ZNF287: variants seen among roughly 807,000 people sequenced by gnomAD.
The protein encoded by ZNF287 is zinc finger protein 287, also known as zinc finger protein with KRAB and SCAN domains 13.
ZNF287 carries 31 observed loss-of-function variants against 73.7 expected under a neutral mutation model. The ratio of observed to expected loss-of-function variants is 0.42; its 90% CI spans 0.32 to 0.57. The LOEUF (loss-of-function observed/expected upper bound fraction) is 0.57, where lower values mean the gene tolerates loss of function less well. Among genes scored for constraint, ZNF287 ranks in the 20% least tolerant of loss-of-function variants. The pLI, the probability that ZNF287 is intolerant of heterozygous loss-of-function variation, is 0.13. For synonymous variants in ZNF287, 301 were observed against 307.2 expected (o/e 0.98, Z 0.21); for missense variants, 641 against 909.3 (o/e 0.70, Z 3.79).
Position 16,551,667 on chromosome 17 carries a change from G to T in ZNF287, c.*189C>A. The T allele has an allele frequency of 3.6e-6, 2 of 550,930 alleles. No individual in the cohort carries two copies. The highest frequency in any genetic ancestry group is 6.1e-6 in the Non-Finnish European group (2 of 330,532). The allele number at this position is 550,930 out of a possible 1,614,324, so 34.1% of individuals were successfully genotyped here. On this transcript the variant is annotated 3_prime_UTR_variant, in exon 6 of 6. Transcript: ENST00000395825. ...AATCATATCAAATTAAGGTTAAGAA[G>T]TCAAGTTTCCTTCTTAAATTTCACA...
chr17:16,567,296 G>C (rs1344251184), intron 2 of ZNF287, 33 bp downstream of exon 2: 5 of 1,578,864 alleles, frequency 3.2e-6, no homozygotes, highest in South Asian at 1.2e-5. Context: ...AACCACCCAG[G>C]GATTCCTCCC....
chr17:16,562,987 A>G (rs921214686), intron 5 of ZNF287, among the ~76,000 whole-genome samples, 159 bp downstream of exon 5: 7 of 152,250 alleles, frequency 4.6e-5, no homozygotes, highest in African/African-American at 1.7e-4. Flanking sequence ...CTTCCTGAAG[A>G]GGCCTCTGTA....
chr17:16,556,684 A>C (rs1907095631), intron 5 of ZNF287, among the ~76,000 whole-genome samples: 1 of 152,218 alleles, frequency 6.6e-6, no homozygotes, highest in Admixed American at 6.5e-5. Flanking sequence ...GTGTATATAC[A>C]CAAAAAAGAG....
intron 5 of ZNF287, among the ~76,000 whole-genome samples, chr17:16,560,569 T>G (rs111581190): frequency 3.3e-5 from 5 of 150,858 alleles, no homozygotes; most frequent in Non-Finnish European, 7.4e-5. Context: ...AGGCTGGTCT[T>G]GAACTCCTGA....
intron 5 of ZNF287, chr17:16,558,914 T>C (rs1187498502): frequency 6.6e-6 from 1 of 151,650 alleles, no homozygotes; most frequent in Non-Finnish European, 1.5e-5. Context: ...GAGATGGAGG[T>C]TGCAGTGAGC....
At chr17:16,568,061 A>C in intron 1 of ZNF287, 132 bp from the exon 2 acceptor site, 3 of 844,374 alleles carry the variant, frequency 3.6e-6, no homozygotes, top group Non-Finnish European at 4.4e-6. Context: ...CCTCCCCTAT[A>C]TCCTTAGACT....
chr17:16,566,487 G>GTA, intron 3 of ZNF287, 38 bp downstream of exon 3: 2 of 1,568,370 alleles, frequency 1.3e-6, no homozygotes, highest in Non-Finnish European at 1.7e-6. Flanking sequence ...CACACACTAA[G>GTA]AAGGCATTTT....
chr17:16,556,013 G>A (rs1907035716), intron 5 of ZNF287, among the ~76,000 whole-genome samples: 2 of 150,940 alleles, frequency 1.3e-5, no homozygotes, highest in African/African-American at 5.0e-5. Flanking sequence ...AATAGAATAA[G>A]GGATAACAGA....
intron 2 of ZNF287, 46 bp from the exon 3 acceptor site, chr17:16,566,668 T>C (rs1360708052): frequency 6.9e-7 from 1 of 1,454,408 alleles, no homozygotes; most frequent in Non-Finnish European, 9.5e-7. Context: ...CCTTTCTGAA[T>C]AGCCTAGGAA....
chr17:16,553,438 A>C lies in ZNF287; in HGVS notation c.716-12T>G, dbSNP rs769282696. The C allele has an allele frequency of 4.8e-6, 7 of 1,462,972 alleles. No individual in the cohort carries two copies. In the East Asian group the frequency reaches 1.2e-4, roughly 25 times the overall value. The allele number at this position is 1,462,972 out of a possible 1,614,324, so 90.6% of individuals were successfully genotyped here. Reference sequence around the variant, plus strand: ...TTTAGTTTCCCATTCTGAAATAAAAAATATATTAAAAAATCTTCATTTATT... The same window carrying C: ...TTTAGTTTCCCATTCTGAAATAAAACATATATTAAAAAATCTTCATTTATT... On this transcript the variant is annotated splice_polypyrimidine_tract_variant and intron_variant, in intron 5 of 5. Transcript: ENST00000395825.
At chr17:16,567,955 G>C (rs572601171) in intron 1 of ZNF287, 26 bp from the exon 2 acceptor site, 2 of 1,398,476 alleles carry the variant, frequency 1.4e-6, no homozygotes, top group East Asian at 5.3e-5. Context: ...GGACCACAAG[G>C]TCAAGAATCC....
Position 16,561,689 on chromosome 17 carries a change from G to A in ZNF287, c.715+1457C>T, listed in dbSNP as rs1258117900. Among the ~76,000 whole-genome samples the A allele has an allele frequency of 3.9e-5, 6 of 152,000 alleles. No individual in the cohort carries two copies. The East Asian group carries it at 1.2e-3, about 29-fold the overall frequency. On this transcript the variant is annotated intron_variant, in intron 5 of 5. Transcript: ENST00000395825. ...GTAGGTCATTAAAAAAACTGGCTTG[G>A]AACCTTTAAAAAATGTCAATATCAT...
In ZNF287 at chr17:16,551,761, C is replaced by G. The variant is rs1906675336; in HGVS notation, c.*95G>C. On this transcript the variant is annotated 3_prime_UTR_variant, in exon 6 of 6. Transcript: ENST00000395825. ...TCTGCTGAGTATCTAACATATTGCACTTCTTCAGACTTCTTCTGAATGTTC... is the reference window on the plus strand; with the variant it reads ...TCTGCTGAGTATCTAACATATTGCAGTTCTTCAGACTTCTTCTGAATGTTC... The G allele has an allele frequency of 2.7e-5, 37 of 1,358,462 alleles. No individual in the cohort carries two copies. The South Asian group carries it at 5.2e-4, about 19-fold the overall frequency. 84.2% of individuals were successfully genotyped at this position (1,358,462 alleles called of 1,614,324 possible).
rs990994426 is a variant in ZNF287 at position 16,547,945 on chromosome 17, T to C, written c.*3911A>G. Among the ~76,000 whole-genome samples the C allele has an allele frequency of 6.6e-6, 1 of 152,224 alleles. No individual in the cohort carries two copies. Among genetic ancestry groups the C allele is most frequent in the African/African-American group, 2.4e-5 (1 of 41,462 alleles). On this transcript the variant is annotated 3_prime_UTR_variant, in exon 6 of 6. Coordinates refer to ENST00000395825, the MANE Select transcript of ZNF287 (RefSeq NM_020653.4). ...TGTGTTATCACTGCAGATGAAAGCA[T>C]CAAACTCTTTACTGGTAATTAAACT...
chr17:16,552,584 T>C lies in ZNF287; in HGVS notation c.1558A>G (p.Ser520Gly). ...CNECGKTFSQ[S>G]THLLQHQKIH... is the part of the protein sequence containing the mutation. ...TTTTGATGCTGAAGAAGGTGTGTACTCTGACTGAAAGTCTTCCCACATTCA... is the reference window on the plus strand; with the variant it reads ...TTTTGATGCTGAAGAAGGTGTGTACCCTGACTGAAAGTCTTCCCACATTCA... Residue 520 changes from serine (S) to glycine (G), a missense_variant, in exon 6 of 6, where the codon AGT becomes GGT. Coordinates refer to ENST00000395825, the MANE Select transcript of ZNF287 (RefSeq NM_020653.4). The surrounding 1 kb of genome is among the most constrained non-coding windows in gnomAD (Gnocchi z 6.5). The C allele has an allele frequency of 6.2e-7, 1 of 1,614,134 alleles. No homozygotes were observed. Among genetic ancestry groups the C allele is most frequent in the Non-Finnish European group, 8.5e-7 (1 of 1,180,004 alleles).
rs1261600057 is a variant in ZNF287, at chr17:16,548,275, T to C, written c.*3581A>G. On this transcript the variant is annotated 3_prime_UTR_variant, in exon 6 of 6. Coordinates refer to ENST00000395825, the MANE Select transcript of ZNF287 (RefSeq NM_020653.4). ...AGATCTGGTGACCTCAAATGAGTGA[T>C]CCATTGATAATGAGTCAACCTGATA... 6.6e-6 allele frequency among the ~76,000 whole-genome samples: 1 copy of C among 152,146 alleles called. No individual in the cohort carries two copies. The highest frequency in any genetic ancestry group is 2.4e-5 in the African/African-American group (1 of 41,430).
intron 4 of ZNF287, 135 bp downstream of exon 4, chr17:16,563,563 TA>T: frequency 9.6e-7 from 1 of 1,038,966 alleles, no homozygotes; most frequent in Non-Finnish European, 1.4e-6. Context: ...AAAACGGGAG[TA>T]AAACAGTCAC....
At position 16,566,490 on chromosome 17, in the gene ZNF287, G is replaced by A. The variant is rs527681666; in HGVS notation, c.501+35C>T. On this transcript the variant is annotated intron_variant, in intron 3 of 5. Coordinates refer to ENST00000395825, the MANE Select transcript of ZNF287 (RefSeq NM_020653.4). Reference sequence around the variant, plus strand: ...AGAAAATGTCCTCACACACTAAGAAGGCATTTTAAAATCAGAAAAGACAGT... The same window carrying A: ...AGAAAATGTCCTCACACACTAAGAAAGCATTTTAAAATCAGAAAAGACAGT... The A allele has an allele frequency of 3.8e-6, 6 of 1,572,112 alleles. No individual in the cohort carries two copies. In the African/African-American group the frequency reaches 6.8e-5, roughly 18 times the overall value.
At chr17:16,556,921 C>T (rs1907115522) in intron 5 of ZNF287, among the ~76,000 whole-genome samples, 3 of 151,806 alleles carry the variant, frequency 2.0e-5, no homozygotes, top group Non-Finnish European at 4.4e-5. Context: ...GATCTCGGCT[C>T]ACCACAACGT....
Sources: allele counts gnomAD v4.1 joint callset (sites outside exome capture counted in the v4.1 genomes callset), GRCh38; gene constraint gnomAD v4.1.1; non-coding constraint Gnocchi (gnomAD v3.1); transcripts MANE v1.5; gene names NCBI Gene and HGNC (gene_info 2026-07-23, HGNC 2026-07-21).